The following TLL1 variants were observed in gnomAD, a reference collection of about 807,000 sequenced individuals.
TLL1 encodes the protein tolloid like 1.
Under a neutral mutation model 128.2 loss-of-function variants are expected in TLL1, and 49 were observed. That is an observed-to-expected ratio of 0.38 (90% CI 0.30 to 0.48). The LOEUF (loss-of-function observed/expected upper bound fraction) is 0.48, where lower values mean the gene tolerates loss of function less well. Among genes scored for constraint, TLL1 ranks in the 20% least tolerant of loss-of-function variants. The probability of loss-of-function intolerance (pLI) is 0.96; values close to 1 mark genes in which losing one functional copy is unlikely to be tolerated. For synonymous variants in TLL1, 454 were observed against 418.8 expected (o/e 1.08, Z -1.03); for missense variants, 1,123 against 1,242.0 (o/e 0.90, Z 1.44).
At chr4:166,017,635 T>C (rs994393956) in intron 8 of TLL1, among the ~76,000 whole-genome samples, 1 of 152,120 alleles carries the variant, frequency 6.6e-6, no homozygotes, top group Non-Finnish European at 1.5e-5. Flanking sequence ...CTATTTTGAT[T>C]GGTATGAGCT....
Position 166,029,344 on chromosome 4 carries a change from A to T in TLL1, c.1158+3913A>T, listed in dbSNP as rs116491513. Among the ~76,000 whole-genome samples, 1,167 of 152,108 alleles carry T rather than the reference A, an allele frequency of 7.7e-3. 15 individuals carry two copies. The highest frequency in any genetic ancestry group is 0.025 in the African/African-American group (1,039 of 41,546). Reference sequence around the variant, plus strand: ...AAAAAAGGATCTTAAAACATATAAGATTATTCGCTTTTTATAAGATATTGC... The same window carrying T: ...AAAAAAGGATCTTAAAACATATAAGTTTATTCGCTTTTTATAAGATATTGC... On this transcript the variant is annotated intron_variant, in intron 9 of 20. Transcript: ENST00000061240.
At chr4:165,933,508 A>C (rs7654070) in intron 1 of TLL1, among the ~76,000 whole-genome samples, 1 of 152,038 alleles carries the variant, frequency 6.6e-6, no homozygotes, top group Non-Finnish European at 1.5e-5. Context: ...CAGCCTGTCC[A>C]TCAGCTATTA....
At chr4:165,896,937 A>T (rs1426642676) in intron 1 of TLL1, among the ~76,000 whole-genome samples, 2 of 152,082 alleles carry the variant, frequency 1.3e-5, no homozygotes, top group Non-Finnish European at 1.5e-5. Flanking sequence ...TTTAATGATC[A>T]CTATTCTAAT....
At chr4:166,081,469 A>G (rs1347657720) in intron 18 of TLL1, among the ~76,000 whole-genome samples, 1 of 152,136 alleles carries the variant, frequency 6.6e-6, no homozygotes, top group African/African-American at 2.4e-5. Flanking sequence ...TGAGCAGGAG[A>G]TGGAGGTCCA....
intron 16 of TLL1, among the ~76,000 whole-genome samples, chr4:166,074,642 G>A (rs1231764183): frequency 1.3e-5 from 2 of 152,070 alleles, no homozygotes; most frequent in African/African-American, 2.4e-5. Context: ...AGGATTACAA[G>A]TTATTATCGT....
At chr4:166,014,677 T>C in intron 8 of TLL1, 117 bp downstream of exon 8, 1 of 1,488,760 alleles carries the variant, frequency 6.7e-7, no homozygotes. Context: ...AAGTGACGTG[T>C]ACAGTTCAAA....
intron 1 of TLL1, among the ~76,000 whole-genome samples, chr4:165,946,499 ATTTTTT>A (rs59178153): frequency 1.6e-5 from 2 of 128,958 alleles, no homozygotes; most frequent in African/African-American, 3.1e-5. Flanking sequence ...TACCCAGCTA[ATTTTTT>A]TTTTTTTTTT....
chr4:165,998,796 T>TAAAAAA (rs1560800630), intron 5 of TLL1, among the ~76,000 whole-genome samples: 22 of 149,290 alleles, frequency 1.5e-4, no homozygotes, highest in African/African-American at 5.2e-4. Flanking sequence ...GACTCTGTCT[T>TAAAAAA]CAAAAAAAAA....
At chr4:165,909,185 T>G (rs1047363832) in intron 1 of TLL1, among the ~76,000 whole-genome samples, 2 of 149,802 alleles carry the variant, frequency 1.3e-5, no homozygotes, top group Non-Finnish European at 3.0e-5. Flanking sequence ...AGACTCCGTC[T>G]CAAAAAAAAA....
At chr4:165,939,196 T>A (rs1733891515) in intron 1 of TLL1, among the ~76,000 whole-genome samples, 1 of 152,044 alleles carries the variant, frequency 6.6e-6, no homozygotes. Flanking sequence ...ACCCTCAAGT[T>A]ATCTGTAAAT....
chr4:166,068,303 C>T (rs766673837), intron 16 of TLL1, among the ~76,000 whole-genome samples: 4 of 151,644 alleles, frequency 2.6e-5, no homozygotes, highest in African/African-American at 4.8e-5. Flanking sequence ...GAATAAATAT[C>T]CTCATTATGA....
chr4:166,036,760 A>G (rs1739019008), intron 9 of TLL1, among the ~76,000 whole-genome samples: 1 of 149,584 alleles, frequency 6.7e-6, no homozygotes, highest in South Asian at 2.1e-4. Flanking sequence ...AGTTAGAAAA[A>G]TTTTCTGCTT....
chr4:166,091,244 A>T lies in TLL1; in HGVS notation c.2559A>T (p.Ile853=). 6.2e-7 allele frequency: 1 copy of T among 1,613,342 alleles called. No individual in the cohort carries two copies. Among genetic ancestry groups the T allele is most frequent in the Non-Finnish European group, 8.5e-7 (1 of 1,179,532 alleles). The change falls in exon 19 of 21, where the codon ATA becomes ATT. Residue 853 remains isoleucine (I), a synonymous_variant. Coordinates refer to ENST00000061240, the MANE Select transcript of TLL1 (RefSeq NM_012464.5). ...TTGGACGACTGTGTGGCAACAAGAT[A>T]CCAGATCCCCTTGTGGCTACTGGAA... ...PILGRLCGNK[I]PDPLVATGNK...
At chr4:166,023,907 A>G (rs542493125) in intron 8 of TLL1, among the ~76,000 whole-genome samples, 51 of 149,812 alleles carry the variant, frequency 3.4e-4, no homozygotes, top group Non-Finnish European at 5.7e-4. Flanking sequence ...GCTGTTAATT[A>G]TAGGTTTGGT....
At chr4:165,901,433 A>T (rs1200496333) in intron 1 of TLL1, among the ~76,000 whole-genome samples, 1 of 151,886 alleles carries the variant, frequency 6.6e-6, no homozygotes, top group Non-Finnish European at 1.5e-5. Flanking sequence ...TTTTGTGTGG[A>T]TGTCATTTTG....
intron 1 of TLL1, among the ~76,000 whole-genome samples, chr4:165,927,441 A>G (rs1733326510): frequency 2.6e-5 from 4 of 152,204 alleles, no homozygotes; most frequent in Admixed American, 2.0e-4. Flanking sequence ...CTGTTGCATT[A>G]GCAGCCATAG....
intron 1 of TLL1, among the ~76,000 whole-genome samples, chr4:165,882,912 A>T (rs1215258432): frequency 6.6e-6 from 1 of 151,922 alleles, no homozygotes; most frequent in African/African-American, 2.4e-5. Context: ...TTGCTGGGTG[A>T]ACTCCTGACC....
chr4:165,939,026 G>A (rs1297457783), intron 1 of TLL1, among the ~76,000 whole-genome samples: 1 of 150,644 alleles, frequency 6.6e-6, no homozygotes, highest in Non-Finnish European at 1.5e-5. Context: ...TTTTAAAGTT[G>A]AATATGTTTC....
At position 165,873,874 on chromosome 4, in the gene TLL1, C is replaced by A; in HGVS notation, c.-31C>A. The A allele has an allele frequency of 6.2e-7, 1 of 1,612,594 alleles. No individual in the cohort carries two copies. Among genetic ancestry groups the A allele is most frequent in the Non-Finnish European group, 8.5e-7 (1 of 1,179,894 alleles). On this transcript the variant is annotated 5_prime_UTR_variant, in exon 1 of 21. Transcript: ENST00000061240. Reference sequence around the variant, plus strand: ...ACCGCGGCTGCCTAACCTCTGGGTCCCGTCCCCTCCTTTTCCTCCGGGGGA... The same window carrying A: ...ACCGCGGCTGCCTAACCTCTGGGTCACGTCCCCTCCTTTTCCTCCGGGGGA...
Sources: gnomAD v4.1 joint callset for allele counts (sites outside exome capture counted in the v4.1 genomes callset) on GRCh38, gnomAD v4.1.1 for gene constraint, MANE v1.5 for transcripts, NCBI Gene and HGNC (gene_info 2026-07-23, HGNC 2026-07-21) for gene names.